TMEM108: variants seen among roughly 807,000 people sequenced by gnomAD.
TMEM108 encodes the protein transmembrane protein 108, also known as cancer/testis antigen 124.
Under a neutral mutation model 35.1 loss-of-function variants are expected in TMEM108, and 12 were observed. The observed-to-expected ratio is 0.34, with a 90% CI of 0.22 to 0.55. The LOEUF (loss-of-function observed/expected upper bound fraction) is 0.55, where lower values mean the gene tolerates loss of function less well. TMEM108 is among the 20% of genes least tolerant of loss of function. TMEM108 has a pLI of 0.89. For missense variants in TMEM108, 680 were observed against 753.3 expected (o/e 0.90, Z 1.14); for synonymous variants, 287 against 308.6 (o/e 0.93, Z 0.73).
chr3:133,233,120 A>G (rs1946178732), intron 3 of TMEM108, among the ~76,000 whole-genome samples: 1 of 151,684 alleles, frequency 6.6e-6, no homozygotes, highest in East Asian at 1.9e-4. Flanking sequence ...TACATGTGCC[A>G]TGCTGGTGTG....
chr3:133,118,458 A>G (rs1325436697), intron 2 of TMEM108, among the ~76,000 whole-genome samples: 1 of 152,180 alleles, frequency 6.6e-6, no homozygotes, highest in African/African-American at 2.4e-5. Flanking sequence ...AGGTAGTTTA[A>G]GCATTTGTCT....
intron 2 of TMEM108, among the ~76,000 whole-genome samples, chr3:133,200,329 A>G (rs955548111): frequency 3.3e-4 from 50 of 152,178 alleles, no homozygotes; most frequent in Non-Finnish European, 4.4e-4. Context: ...TCAGTTGGAA[A>G]TGCGGAACAT....
chr3:133,313,457 T>G lies in TMEM108; in HGVS notation c.41-66295T>G, dbSNP rs138266881. The stretch of plus-strand genomic sequence containing the variant: ...GCCTTGGCCTCCCAAAGTGCTGGGA[T>G]TACAGGCGTGAGCCACCGCGCCTGG... On this transcript the variant is annotated intron_variant, in intron 3 of 5. Coordinates refer to ENST00000321871, the MANE Select transcript of TMEM108 (RefSeq NM_023943.4). Among the ~76,000 whole-genome samples the G allele has an allele frequency of 3.3e-3, 502 of 152,312 alleles. 5 individuals carry two copies. Among genetic ancestry groups the G allele is most frequent in the African/African-American group, 0.011 (477 of 41,578 alleles).
At chr3:133,104,245 A>G (rs1375746978) in intron 2 of TMEM108, among the ~76,000 whole-genome samples, 1 of 152,214 alleles carries the variant, frequency 6.6e-6, no homozygotes, top group Non-Finnish European at 1.5e-5. Context: ...AAATTATAGG[A>G]TACATGTAAA....
At chr3:133,179,215 A>G (rs1400740395) in intron 2 of TMEM108, among the ~76,000 whole-genome samples, 1 of 152,076 alleles carries the variant, frequency 6.6e-6, no homozygotes, top group Non-Finnish European at 1.5e-5. Flanking sequence ...GTGGGACTGT[A>G]AACTAGTTCA....
At chr3:133,319,414 A>G (rs1278527906) in intron 3 of TMEM108, among the ~76,000 whole-genome samples, 1 of 152,172 alleles carries the variant, frequency 6.6e-6, no homozygotes, top group African/African-American at 2.4e-5. Context: ...TCCTGGCTGT[A>G]GGCCAACCAA....
At chr3:133,269,310 T>G (rs1273019344) in intron 3 of TMEM108, among the ~76,000 whole-genome samples, 1 of 151,900 alleles carries the variant, frequency 6.6e-6, no homozygotes, top group East Asian at 1.9e-4. Context: ...ATTGAAACAA[T>G]GAGAATACTC....
chr3:133,189,920 C>T (rs78437258), intron 2 of TMEM108, among the ~76,000 whole-genome samples: 84 of 152,182 alleles, frequency 5.5e-4, no homozygotes, highest in Middle Eastern at 3.4e-3. Flanking sequence ...CATAGTTTGG[C>T]ATTATTATTG....
intron 3 of TMEM108, among the ~76,000 whole-genome samples, chr3:133,250,154 A>G (rs1946447586): frequency 6.6e-6 from 1 of 152,160 alleles, no homozygotes; most frequent in African/African-American, 2.4e-5. Flanking sequence ...GGACTATGCT[A>G]GGAAATAGAC....
chr3:133,152,556 T>C (rs554718416), intron 2 of TMEM108, among the ~76,000 whole-genome samples: 2 of 152,274 alleles, frequency 1.3e-5, no homozygotes, highest in South Asian at 2.1e-4. Context: ...ACATGACCCC[T>C]GTATATCTCC....
At position 133,170,751 on chromosome 3, in the gene TMEM108, GATATATCAGT is replaced by G. The variant is rs1286736420; in HGVS notation, c.-46-58504_-46-58495del. ...AACAGATCTCCAAGGTATGATAGGAGATATATCAGTATATATCAGTTAATACATATTTCTA... is the reference window on the plus strand; with the variant it reads ...AACAGATCTCCAAGGTATGATAGGAGATATATCAGTTAATACATATTTCTA... On this transcript the variant is annotated intron_variant, in intron 2 of 5. Transcript: ENST00000321871. Among the ~76,000 whole-genome samples the G allele has an allele frequency of 3.9e-5, 6 of 152,070 alleles. No homozygotes were observed. The East Asian group carries it at 1.2e-3, about 29-fold the overall frequency.
chr3:133,327,547 G>A (rs192733649), intron 3 of TMEM108, among the ~76,000 whole-genome samples: 39 of 152,296 alleles, frequency 2.6e-4, no homozygotes, highest in Admixed American at 1.2e-3. Context: ...CCATTGGCAG[G>A]AGGGCCTGAG....
At chr3:133,059,625 G>GGT (rs1943513804) in intron 2 of TMEM108, among the ~76,000 whole-genome samples, 1 of 152,188 alleles carries the variant, frequency 6.6e-6, no homozygotes, top group South Asian at 2.1e-4. Context: ...GGAAGAGTTA[G>GGT]GTCGCCTCTC....
chr3:133,370,313 T>G (rs1170707873), intron 3 of TMEM108, among the ~76,000 whole-genome samples: 1 of 152,216 alleles, frequency 6.6e-6, no homozygotes, highest in Non-Finnish European at 1.5e-5. Flanking sequence ...GTCAGCTATT[T>G]TATAGACTAT....
intron 2 of TMEM108, among the ~76,000 whole-genome samples, chr3:133,135,963 A>C (rs942420707): frequency 2.0e-5 from 3 of 152,002 alleles, no homozygotes; most frequent in African/African-American, 4.8e-5. Context: ...TTAATATTTG[A>C]GATGTTAGGG....
intron 2 of TMEM108, among the ~76,000 whole-genome samples, chr3:133,190,234 G>A (rs1200727933): frequency 1.3e-5 from 2 of 152,166 alleles, no homozygotes; most frequent in African/African-American, 4.8e-5. Context: ...TTTTCTTAGA[G>A]CATCTGAGCC....
intron 3 of TMEM108, among the ~76,000 whole-genome samples, chr3:133,270,231 G>A (rs533940270): frequency 2.0e-5 from 3 of 152,116 alleles, no homozygotes; most frequent in South Asian, 2.1e-4. Context: ...TACAGTATAG[G>A]TTATTATTAT....
chr3:133,092,667 A>G (rs964676408), intron 2 of TMEM108, among the ~76,000 whole-genome samples: 5 of 152,168 alleles, frequency 3.3e-5, no homozygotes, highest in African/African-American at 7.2e-5. Flanking sequence ...AATTCATGGT[A>G]TAGTCTTGAT....
At chr3:133,379,687 AGAAAG>A in intron 3 of TMEM108, 60 bp from the exon 4 acceptor site, 1 of 1,520,088 alleles carries the variant, frequency 6.6e-7, no homozygotes, top group Admixed American at 1.8e-5. Flanking sequence ...GCCACAGGTA[AGAAAG>A]GCCCAGGCTG....
Sources: allele counts gnomAD v4.1 joint callset (sites outside exome capture counted in the v4.1 genomes callset), GRCh38; gene constraint gnomAD v4.1.1; transcripts MANE v1.5; gene names NCBI Gene and HGNC (gene_info 2026-07-23, HGNC 2026-07-21).